The following GSTA4 variants were observed in gnomAD, a reference collection of about 807,000 sequenced individuals.
The protein encoded by GSTA4 is glutathione S-transferase alpha 4, also known as glutathione S-transferase A4.
A neutral mutation model predicts 24.4 loss-of-function variants in GSTA4; 15 were observed. That is an observed-to-expected ratio of 0.61 (90% CI 0.41 to 0.95). GSTA4 has a LOEUF of 0.95. Among genes scored for constraint, GSTA4 ranks in the 40% least tolerant of loss-of-function variants. The pLI is 0.00. For missense variants in GSTA4, 244 were observed against 262.1 expected (o/e 0.93, Z 0.48); for synonymous variants, 92 against 94.2 (o/e 0.98, Z 0.13).
At chr6:52,992,126 G>A (rs1316013579) in intron 2 of GSTA4, among the ~76,000 whole-genome samples, 2 of 151,968 alleles carry the variant, frequency 1.3e-5, no homozygotes, top group Admixed American at 6.6e-5. Context: ...AATACAAGAT[G>A]AGCACAGAGC....
chr6:52,983,603 T>C (rs1763495090), intron 5 of GSTA4, among the ~76,000 whole-genome samples: 1 of 152,220 alleles, frequency 6.6e-6, no homozygotes, highest in African/African-American at 2.4e-5. Context: ...TTTCATTATG[T>C]GTAAAAGGGA....
At chr6:52,982,425 T>A in intron 6 of GSTA4, 149 bp downstream of exon 6, 1 of 546,400 alleles carries the variant, frequency 1.8e-6, no homozygotes. Flanking sequence ...TAACTTTGGG[T>A]CCTTACTTTC....
intron 5 of GSTA4, among the ~76,000 whole-genome samples, chr6:52,984,010 C>G (rs1212595317): frequency 6.6e-6 from 1 of 152,070 alleles, no homozygotes; most frequent in East Asian, 1.9e-4. Flanking sequence ...AACAACAAAA[C>G]CAAAAACAAA....
In GSTA4 at chr6:52,978,402, A is replaced by T; in HGVS notation, c.*68T>A. 6.6e-7 allele frequency: 1 copy of T among 1,518,980 alleles called. No homozygotes were observed. The highest frequency in any genetic ancestry group is 9.0e-7 in the Non-Finnish European group (1 of 1,106,194). The allele number at this position is 1,518,980 out of a possible 1,614,324, so 94.1% of individuals were successfully genotyped here. ...TAGCACCATGACAGAGCTGGGATCC[A>T]TTAAGACATGACTGTAGACAATACC... On this transcript the variant is annotated 3_prime_UTR_variant, in exon 7 of 7. Transcript: ENST00000370963.
Position 52,982,776 on chromosome 6 carries a change from C to A in GSTA4, c.415-71G>T, listed in dbSNP as rs575814711. 1.2e-5 allele frequency: 14 copies of A among 1,186,266 alleles called. No individual in the cohort carries two copies. In the East Asian group the frequency reaches 3.3e-4, roughly 28 times the overall value. 73.5% of individuals were successfully genotyped at this position (1,186,266 alleles called of 1,614,324 possible). A position where few individuals can be genotyped will look rare whatever the true frequency, so the allele number is the denominator to read the frequency against. On this transcript the variant is annotated intron_variant, in intron 5 of 6. Coordinates refer to ENST00000370963, the MANE Select transcript of GSTA4 (RefSeq NM_001512.4). ...GAGTGATGAGGCTATTGAATCAGTG[C>A]AGTATCTGAGAAGAGGTGAAACTAT...
chr6:52,980,006 A>T (rs971741089), intron 6 of GSTA4, among the ~76,000 whole-genome samples: 5 of 152,208 alleles, frequency 3.3e-5, no homozygotes, highest in African/African-American at 1.2e-4. Context: ...TAAATTCAAC[A>T]CAGATCTGGT....
At chr6:52,993,676 T>C (rs1230627038) in intron 2 of GSTA4, among the ~76,000 whole-genome samples, 1 of 152,186 alleles carries the variant, frequency 6.6e-6, no homozygotes, top group African/African-American at 2.4e-5. Flanking sequence ...GATGAGTACA[T>C]AGAATTCATG....
chr6:52,989,495 G>A (rs1220773948), intron 2 of GSTA4, among the ~76,000 whole-genome samples: 2 of 152,174 alleles, frequency 1.3e-5, no homozygotes, highest in African/African-American at 4.8e-5. Flanking sequence ...AAGGGAGAAA[G>A]CAAATGTAGC....
Position 52,991,963 on chromosome 6 carries a change from G to T in GSTA4, c.87+2194C>A, listed in dbSNP as rs187163631. Among the ~76,000 whole-genome samples, 1,458 of 152,086 alleles carry T rather than the reference G, an allele frequency of 9.6e-3. 12 individuals are homozygous for T. The highest frequency in any genetic ancestry group is 0.037 in the Middle Eastern group (11 of 294). On this transcript the variant is annotated intron_variant, in intron 2 of 6. Coordinates refer to ENST00000370963, the MANE Select transcript of GSTA4 (RefSeq NM_001512.4). ...GGAGAGACGGGGTTTCACCATGTTG[G>T]TCAGGCTGGTCTCGAACTCCTGACC...
At chr6:52,985,629 C>T (rs879125520) in intron 3 of GSTA4, 46 bp from the exon 4 acceptor site, 1 of 1,594,740 alleles carries the variant, frequency 6.3e-7, no homozygotes, top group Admixed American at 1.7e-5. Context: ...TCTTCTCTGT[C>T]CCCCAACCCC....
At chr6:52,980,159 A>C (rs1205982496) in intron 6 of GSTA4, among the ~76,000 whole-genome samples, 1 of 152,184 alleles carries the variant, frequency 6.6e-6, no homozygotes, top group Non-Finnish European at 1.5e-5. Flanking sequence ...CTGGTGCTAC[A>C]GTTTACCAAA....
chr6:52,979,313 T>C (rs1763405862), intron 6 of GSTA4, among the ~76,000 whole-genome samples: 1 of 152,228 alleles, frequency 6.6e-6, no homozygotes. Context: ...GTAAAGGTGC[T>C]TTAAAAAGTC....
intron 6 of GSTA4, among the ~76,000 whole-genome samples, chr6:52,982,306 C>A (rs1360568104): frequency 6.6e-6 from 1 of 151,978 alleles, no homozygotes; most frequent in Admixed American, 6.6e-5. Context: ...ATCTCTTGAG[C>A]CCAGGAGTTC....
At chr6:52,981,488 C>T (rs1465149823) in intron 6 of GSTA4, among the ~76,000 whole-genome samples, 1 of 152,190 alleles carries the variant, frequency 6.6e-6, no homozygotes, top group Non-Finnish European at 1.5e-5. Flanking sequence ...GTAACCTTGA[C>T]ATTGTGTAAA....
intron 2 of GSTA4, among the ~76,000 whole-genome samples, chr6:52,992,801 A>C: frequency 6.6e-6 from 1 of 152,170 alleles, no homozygotes; most frequent in South Asian, 2.1e-4. Flanking sequence ...GCGGGATAGT[A>C]AAAGGACATT....
intron 5 of GSTA4, 60 bp downstream of exon 5, chr6:52,984,404 C>T (rs1763510658): frequency 2.0e-6 from 3 of 1,496,056 alleles, no homozygotes; most frequent in African/African-American, 1.4e-5. Context: ...GTGTTTGTGG[C>T]AGCTTCTTTG....
chr6:52,985,590 A>G lies in GSTA4; in HGVS notation c.140-7T>C. On this transcript the variant is annotated splice_region_variant and splice_polypyrimidine_tract_variant and intron_variant, in intron 3 of 6. Coordinates refer to ENST00000370963, the MANE Select transcript of GSTA4 (RefSeq NM_001512.4). The stretch of plus-strand genomic sequence containing the variant: ...TGGAACAGCAGGTGGTTACCTGAGA[A>G]TGGAAGCCCAGAGTTAGAAGTGATC... 1 of 1,613,862 alleles carries G rather than the reference A, an allele frequency of 6.2e-7. No homozygotes were observed. The highest frequency in any genetic ancestry group is 1.1e-5 in the South Asian group (1 of 91,074).
In GSTA4 at chr6:52,994,219, A is replaced by T; in HGVS notation, c.25T>A (p.Tyr9Asn). 1 of 1,613,604 alleles carries T rather than the reference A, an allele frequency of 6.2e-7. No individual in the cohort carries two copies. Among genetic ancestry groups the T allele is most frequent in the Non-Finnish European group, 8.5e-7 (1 of 1,179,472 alleles). Reference sequence around the variant, plus strand: ...TCCATCCGGCCTCTTCCGTTGGGATAGTGGAGCTTGGGCCTTGCTGCCATG... The same window carrying T: ...TCCATCCGGCCTCTTCCGTTGGGATTGTGGAGCTTGGGCCTTGCTGCCATG... MAARPKLHYPNGRGRMESV... is the reference protein window; with the variant it reads MAARPKLHNPNGRGRMESV... The change falls in exon 2 of 7, where the codon TAT (tyrosine) becomes AAT (asparagine). Residue 9 changes from tyrosine to asparagine, a missense_variant. Transcript: ENST00000370963.
At chr6:52,984,906 T>TC (rs1351878548) in intron 4 of GSTA4, among the ~76,000 whole-genome samples, 2 of 152,208 alleles carry the variant, frequency 1.3e-5, no homozygotes. Context: ...GGGTCAAACT[T>TC]CAACTTTATA....
Sources: gnomAD v4.1 joint callset for allele counts (sites outside exome capture counted in the v4.1 genomes callset) on GRCh38, gnomAD v4.1.1 for gene constraint, MANE v1.5 for transcripts, NCBI Gene and HGNC (gene_info 2026-07-23, HGNC 2026-07-21) for gene names.